The following SPOUT1 variants were observed in gnomAD, a reference collection of about 807,000 sequenced individuals.
SPOUT1 encodes 28S rRNA (uridine-N(3))-methyltransferase.
A neutral mutation model predicts 54.8 loss-of-function variants in SPOUT1; 40 were observed. The ratio of observed to expected loss-of-function variants is 0.73; its 90% confidence interval spans 0.57 to 0.95. The LOEUF is 0.95. SPOUT1 is among the 40% of genes least tolerant of loss of function. The probability of loss-of-function intolerance (pLI) is 0.00; values close to 1 mark genes in which losing one functional copy is unlikely to be tolerated. For missense variants in SPOUT1, 437 were observed against 499.5 expected, an observed-to-expected ratio of 0.87 and a Z score of 1.19; for synonymous variants, 193 against 200.3, an observed-to-expected ratio of 0.96 and a Z score of 0.31.
intron 7 of SPOUT1, 103 bp downstream of exon 7, chr9:128,825,919 G>A: frequency 6.8e-7 from 1 of 1,461,590 alleles, no homozygotes; most frequent in Non-Finnish European, 9.4e-7. Context: ...CATCAGTGAG[G>A]GATTTCGGGC....
In SPOUT1 at chr9:128,821,249, G is replaced by A. The variant is rs188687976; in HGVS notation, c.*1516C>T. ...TCCCGCCTTCCCCCTGCAGGTCTGC[G>A]GTGCACCAAGCTCTCCCACCTTCCC... On this transcript the variant is annotated 3_prime_UTR_variant, in exon 12 of 12. Coordinates refer to ENST00000361256, the MANE Select transcript of SPOUT1 (RefSeq NM_016390.4). 131 of 215,148 alleles carry A rather than the reference G, an allele frequency of 6.1e-4. No homozygotes were observed. Among genetic ancestry groups the A allele is most frequent in the South Asian group, 2.4e-3 (40 of 16,782 alleles). 13.3% of individuals were successfully genotyped at this position (215,148 alleles called of 1,614,324 possible).
rs1564433939 is a variant in SPOUT1 at position 128,822,360 on chromosome 9, A to G, written c.*405T>C. 2 of 1,613,946 alleles carry G rather than the reference A, an allele frequency of 1.2e-6. No individual in the cohort carries two copies. The highest frequency in any genetic ancestry group is 8.5e-7 in the Non-Finnish European group (1 of 1,180,012). ...GCTGATGGGAAATCCTACGTAAAGT[A>G]CCAGGTCATCGGCAAGAACCACGTG... On this transcript the variant is annotated 3_prime_UTR_variant, in exon 12 of 12. Coordinates refer to ENST00000361256, the MANE Select transcript of SPOUT1 (RefSeq NM_016390.4).
Position 128,827,079 on chromosome 9 carries a change from G to C in SPOUT1, c.321C>G (p.Phe107Leu). 6.2e-7 allele frequency: 1 copy of C among 1,614,076 alleles called. No homozygotes were observed. The highest frequency in any genetic ancestry group is 1.6e-4 in the Middle Eastern group (1 of 6,062). Residue 107 changes from phenylalanine to leucine, a missense_variant, in exon 4 of 12, where the codon TTC becomes TTG. Physicochemically the swap from Phe to Leu is conservative, Grantham distance 22. Coordinates refer to ENST00000361256, the MANE Select transcript of SPOUT1 (RefSeq NM_016390.4). The part of the protein sequence containing the change: ...AGQIARACAI[F>L]CVDEIVVFDE... Reference sequence around the variant, plus strand: ...CAAACACCACGATCTCATCCACACAGAAGATGGCACAGGCTCTGGCAATCT... The same window carrying C: ...CAAACACCACGATCTCATCCACACACAAGATGGCACAGGCTCTGGCAATCT...
Position 128,820,863 on chromosome 9 carries a change from AGG to A in SPOUT1, c.*1900_*1901del. 1 of 1,593,672 alleles carries A rather than the reference AGG, an allele frequency of 6.3e-7. No individual in the cohort carries two copies. Among genetic ancestry groups the A allele is most frequent in the African/African-American group, 1.3e-5 (1 of 74,708 alleles). The stretch of plus-strand genomic sequence containing the variant: ...TTCCTGCCCAGGTAAGGTGGAAACC[AGG>A]GGGGCGGCAGAACCTCCCACTCACC... On this transcript the variant is annotated 3_prime_UTR_variant, in exon 12 of 12. Transcript: ENST00000361256.
At chr9:128,822,918 C>G in intron 11 of SPOUT1, 85 bp from the exon 12 acceptor site, 1 of 1,011,724 alleles carries the variant, frequency 9.9e-7, no homozygotes, top group Non-Finnish European at 1.5e-6. Context: ...GCCTGGCTGC[C>G]CGAGACCTGG....
In SPOUT1 at chr9:128,822,194, C is replaced by A; in HGVS notation, c.*571G>T. ...CCTCAAGGAGGAGCCAGGCAGGCTA[C>A]AGAAGTCTCACAGTGAGGGCGTGGT... is the stretch of plus-strand genomic sequence containing the variant. On this transcript the variant is annotated 3_prime_UTR_variant, in exon 12 of 12. Coordinates refer to ENST00000361256, the MANE Select transcript of SPOUT1 (RefSeq NM_016390.4). The A allele has an allele frequency of 9.5e-7, 1 of 1,053,202 alleles. No homozygotes were observed. The highest frequency in any genetic ancestry group is 1.3e-6 in the Non-Finnish European group (1 of 741,440). 65.2% of individuals were successfully genotyped at this position (1,053,202 alleles called of 1,614,324 possible). A position where few individuals can be genotyped will look rare whatever the true frequency, so the allele number is the denominator to read the frequency against.
intron 3 of SPOUT1, among the ~76,000 whole-genome samples, chr9:128,827,841 G>T (rs1202490703): frequency 6.6e-6 from 1 of 152,220 alleles, no homozygotes; most frequent in Non-Finnish European, 1.5e-5. Flanking sequence ...AGAATCGATT[G>T]AACTGGGAAG....
chr9:128,824,650 C>A, intron 9 of SPOUT1, 121 bp downstream of exon 9: 1 of 703,484 alleles, frequency 1.4e-6, no homozygotes, highest in Non-Finnish European at 2.6e-6. Context: ...AAGGACTTGC[C>A]CAAGGACACA....
chr9:128,827,338 C>G, intron 3 of SPOUT1, 147 bp from the exon 4 acceptor site: 1 of 684,636 alleles, frequency 1.5e-6, no homozygotes, highest in Non-Finnish European at 2.4e-6. Flanking sequence ...CAGCTCCCCT[C>G]TCTGGGCCTC....
chr9:128,826,516 T>A lies in SPOUT1; in HGVS notation c.458+24A>T. 6.2e-7 allele frequency: 1 copy of A among 1,609,748 alleles called. No individual in the cohort carries two copies. Among genetic ancestry groups the A allele is most frequent in the Non-Finnish European group, 8.5e-7 (1 of 1,176,308 alleles). On this transcript the variant is annotated intron_variant, in intron 5 of 11. Transcript: ENST00000361256. This position sits in a 1 kb window ranked among gnomAD's most constrained non-coding sequence, Gnocchi z 5.5. ...TCCACTTTGACACACCCCTCCCTCATGCTTAGGGGAGTGACCCCCTTACTG... is the reference window on the plus strand; with the variant it reads ...TCCACTTTGACACACCCCTCCCTCAAGCTTAGGGGAGTGACCCCCTTACTG...
At position 128,826,965 on chromosome 9, in the gene SPOUT1, G is replaced by A; in HGVS notation, c.368+67C>T. 6.6e-7 allele frequency: 1 copy of A among 1,515,210 alleles called. No individual in the cohort carries two copies. The highest frequency in any genetic ancestry group is 9.1e-7 in the Non-Finnish European group (1 of 1,103,502). The allele number at this position is 1,515,210 out of a possible 1,614,324, so 93.9% of individuals were successfully genotyped here. A position where few individuals can be genotyped will look rare whatever the true frequency, so the allele number is the denominator to read the frequency against. On this transcript the variant is annotated intron_variant, in intron 4 of 11. Coordinates refer to ENST00000361256, the MANE Select transcript of SPOUT1 (RefSeq NM_016390.4). This position sits in a 1 kb window ranked among gnomAD's most constrained non-coding sequence, Gnocchi z 5.5. Reference sequence around the variant, plus strand: ...GGCATGTGGACGGGGCCATGGTGAAGCCTCGGCCCATCCCGGCAGCCCCTC... The same window carrying A: ...GGCATGTGGACGGGGCCATGGTGAAACCTCGGCCCATCCCGGCAGCCCCTC...
chr9:128,821,228 G>A lies in SPOUT1; in HGVS notation c.*1537C>T, dbSNP rs537470337. The stretch of plus-strand genomic sequence containing the variant: ...GGTCTGCAGTGCACCAAGCTCTCCC[G>A]CCTTCCCCCTGCAGGTCTGCGGTGC... On this transcript the variant is annotated 3_prime_UTR_variant, in exon 12 of 12. Coordinates refer to ENST00000361256, the MANE Select transcript of SPOUT1 (RefSeq NM_016390.4). 11 of 249,168 alleles carry A rather than the reference G, an allele frequency of 4.4e-5. No individual in the cohort carries two copies. The highest frequency in any genetic ancestry group is 1.4e-4 in the South Asian group (3 of 20,880). 15.4% of individuals were successfully genotyped at this position (249,168 alleles called of 1,614,324 possible).
Position 128,826,313 on chromosome 9 carries a change from T to C in SPOUT1, c.508+71A>G. ...GCTTTCCCACCTGGACAGCGCAGGG[T>C]AGGACTGGGTGGTCTCAGTGTCTGT... On this transcript the variant is annotated intron_variant, in intron 6 of 11. Transcript: ENST00000361256. The surrounding 1 kb of genome is among the most constrained non-coding windows in gnomAD (Gnocchi z 5.5). 2 of 1,580,276 alleles carry C rather than the reference T, an allele frequency of 1.3e-6. No individual in the cohort carries two copies. Among genetic ancestry groups the C allele is most frequent in the South Asian group, 2.2e-5 (2 of 90,362 alleles).
chr9:128,820,789 C>A lies in SPOUT1; in HGVS notation c.*1976G>T. ...GGAACAACCTGGAGAAATATAGCCG[C>A]AGCTTGACCCGCAGCTACCAAAACG... On this transcript the variant is annotated 3_prime_UTR_variant, in exon 12 of 12. Coordinates refer to ENST00000361256, the MANE Select transcript of SPOUT1 (RefSeq NM_016390.4). The A allele has an allele frequency of 1.2e-6, 2 of 1,612,592 alleles. No homozygotes were observed. Among genetic ancestry groups the A allele is most frequent in the Non-Finnish European group, 1.7e-6 (2 of 1,179,386 alleles).
chr9:128,825,209 C>T (rs1830216417), intron 7 of SPOUT1, among the ~76,000 whole-genome samples, 160 bp from the exon 8 acceptor site: 1 of 152,262 alleles, frequency 6.6e-6, no homozygotes, highest in African/African-American at 2.4e-5. Flanking sequence ...AACCTGCTCA[C>T]AAGAGATCAT....
rs1442013227 is a variant in SPOUT1 at position 128,826,375 on chromosome 9, CA to C, written c.508+8del. 1.2e-6 allele frequency: 2 copies of C among 1,613,782 alleles called. No individual in the cohort carries two copies. The highest frequency in any genetic ancestry group is 4.5e-5 in the East Asian group (2 of 44,876). ...GGGGAAATGGGGGGGCGGGCCCATA[CA>C]GCGTTACCTGCAAACTGTAGATCCT... On this transcript the variant is annotated splice_region_variant and intron_variant, in intron 6 of 11. Transcript: ENST00000361256. This position sits in a 1 kb window ranked among gnomAD's most constrained non-coding sequence, Gnocchi z 5.5.
rs377621921 is a variant in SPOUT1 at position 128,826,585 on chromosome 9, G to A, written c.413C>T (p.Ala138Val). Reference protein sequence around the residue: ...EFTGVGKKGQACVQLARILQY... With the variant: ...EFTGVGKKGQVCVQLARILQY... ...CAGGATCCGGGCCAGCTGTACGCAC[G>A]CCTGCCCCTTCTTCCCAACTCCTGT... The change falls in exon 5 of 12, where the codon GCG becomes GTG. Residue 138 changes from alanine (A) to valine (V), a missense_variant. Coordinates refer to ENST00000361256, the MANE Select transcript of SPOUT1 (RefSeq NM_016390.4). The surrounding 1 kb of genome is among the most constrained non-coding windows in gnomAD (Gnocchi z 5.5). The A allele has an allele frequency of 1.4e-4, 219 of 1,602,700 alleles. No individual in the cohort carries two copies. The highest frequency in any genetic ancestry group is 1.8e-4 in the Non-Finnish European group (207 of 1,173,858).
chr9:128,829,650 G>C (rs1326181704), intron 1 of SPOUT1, 95 bp downstream of exon 1: 2 of 954,294 alleles, frequency 2.1e-6, no homozygotes, highest in African/African-American at 3.3e-5. Flanking sequence ...GCAGGCAGCA[G>C]GAGGCGCGGC....
chr9:128,826,511 C>T lies in SPOUT1; in HGVS notation c.458+29G>A. On this transcript the variant is annotated intron_variant, in intron 5 of 11. Coordinates refer to ENST00000361256, the MANE Select transcript of SPOUT1 (RefSeq NM_016390.4). The surrounding 1 kb of genome is among the most constrained non-coding windows in gnomAD (Gnocchi z 5.5). ...TGGTCTCCACTTTGACACACCCCTC[C>T]CTCATGCTTAGGGGAGTGACCCCCT... 6.2e-7 allele frequency: 1 copy of T among 1,610,796 alleles called. No individual in the cohort carries two copies. Among genetic ancestry groups the T allele is most frequent in the Non-Finnish European group, 8.5e-7 (1 of 1,177,162 alleles).
Sources: gnomAD v4.1 joint callset for allele counts (sites outside exome capture counted in the v4.1 genomes callset) on GRCh38, gnomAD v4.1.1 for gene constraint, Gnocchi (gnomAD v3.1) non-coding constraint, MANE v1.5 for transcripts, NCBI Gene and HGNC (gene_info 2026-07-23, HGNC 2026-07-21) for gene names.